Variants in SLC16A12 observed in about 807,000 individuals in gnomAD.
The protein encoded by SLC16A12 is solute carrier family 16 member 12, also known as monocarboxylate transporter 12.
Under a neutral mutation model 42.4 loss-of-function variants are expected in SLC16A12, and 17 were observed. That is an observed-to-expected ratio of 0.40 (90% confidence interval 0.27 to 0.60). SLC16A12 has a LOEUF of 0.60. Ranked by LOEUF, SLC16A12 falls within the 20% of genes least tolerant of loss-of-function variation. The pLI is 0.42. For missense variants in SLC16A12, 544 were observed against 623.0 expected (o/e 0.87, Z 1.35); for synonymous variants, 224 against 229.4 (o/e 0.98, Z 0.21).
At chr10:89,454,395 A>T (rs939163570) in intron 3 of SLC16A12, among the ~76,000 whole-genome samples, 3 of 152,092 alleles carry the variant, frequency 2.0e-5, no homozygotes, top group Admixed American at 6.6e-5. Flanking sequence ...TACTGCAGCC[A>T]AAACCCTCCT....
At position 89,534,673 on chromosome 10, in the gene SLC16A12, C is replaced by CAAAAAAAAAAAAAAA. The variant is rs1196402951; in HGVS notation, c.-186-34_-186-33insTTTTTTTTTTTTTTT. The CAAAAAAAAAAAAAAA allele has an allele frequency of 1.6e-5, 2 of 122,722 alleles. 1 individual carries two copies. Among genetic ancestry groups the CAAAAAAAAAAAAAAA allele is most frequent in the African/African-American group, 6.4e-5 (2 of 31,294 alleles). 7.6% of individuals were successfully genotyped at this position (122,722 alleles called of 1,614,324 possible). On this transcript the variant is annotated intron_variant, in intron 1 of 7. Coordinates refer to ENST00000371790, the MANE Select transcript of SLC16A12 (RefSeq NM_213606.4). ...AAAAAAAAAAAAAAAAAAAAAAAAT[C>CAAAAAAAAAAAAAAA]CAAAAATTAGCCGGGCGTGGTGGCG...
At chr10:89,541,613 G>A (rs760977102) in intron 2 of SLC16A12, among the ~76,000 whole-genome samples, 3 of 152,098 alleles carry the variant, frequency 2.0e-5, no homozygotes, top group Non-Finnish European at 4.4e-5. Flanking sequence ...CAAATAAAGG[G>A]TTGAGCAGCT....
intron 4 of SLC16A12, among the ~76,000 whole-genome samples, chr10:89,443,509 G>A (rs960178654): frequency 2.0e-5 from 3 of 152,192 alleles, no homozygotes; most frequent in Non-Finnish European, 2.9e-5. Flanking sequence ...CAAATCTTAC[G>A]TGTTCTTTTG....
upstream of SLC16A12, among the ~76,000 whole-genome samples, chr10:89,536,581 C>T (rs1843666244): frequency 1.3e-5 from 2 of 151,948 alleles, no homozygotes; most frequent in African/African-American, 4.8e-5. Context: ...AGGTTCCAGG[C>T]GAACTTTCTG....
chr10:89,537,711 T>A (rs1843689189), upstream of SLC16A12, among the ~76,000 whole-genome samples: 1 of 152,014 alleles, frequency 6.6e-6, no homozygotes, highest in East Asian at 1.9e-4. Flanking sequence ...GGGTGGCAAA[T>A]AAGTCTCACT....
rs397846442 is a variant in SLC16A12, at chr10:89,482,782, T to TAA, written c.-46-20160_-46-20159dup. Among the ~76,000 whole-genome samples, 156 of 126,080 alleles carry TAA rather than the reference T, an allele frequency of 1.2e-3. 2 individuals are homozygous for TAA. Among genetic ancestry groups the TAA allele is most frequent in the Non-Finnish European group, 1.9e-3 (112 of 59,698 alleles). The allele number at this position is 126,080 out of a possible 152,430, so 82.7% of individuals were successfully genotyped here. On this transcript the variant is annotated intron_variant, in intron 2 of 7. Coordinates refer to ENST00000371790, the MANE Select transcript of SLC16A12 (RefSeq NM_213606.4). ...TGGGTGACAAGAGTGAGACCCTGTC[T>TAA]AAAAAAAAAAAAAAATGTCTAATAG...
chr10:89,436,914 A>AAGAAAGAAAGAAAGAAAGAAAGAAAG (rs796398100), intron 6 of SLC16A12, among the ~76,000 whole-genome samples: 1 of 136,462 alleles, frequency 7.3e-6, no homozygotes, highest in African/African-American at 2.8e-5. Context: ...GAAAGAAAGA[A>AAGAAAGAAAGAAAGAAAGAAAGAAAG]AAAGAAAGAG....
chr10:89,476,351 T>A (rs1056885639), intron 2 of SLC16A12, among the ~76,000 whole-genome samples: 1 of 152,154 alleles, frequency 6.6e-6, no homozygotes, highest in Non-Finnish European at 1.5e-5. Flanking sequence ...GCTGTTGAAA[T>A]GGGAGGGGCA....
In SLC16A12 at chr10:89,435,932, T is replaced by A. The variant is rs1186578760; in HGVS notation, c.1288+128A>T. The A allele has an allele frequency of 2.2e-6, 3 of 1,354,112 alleles. No individual in the cohort carries two copies. The Admixed American group carries it at 6.0e-5, about 27-fold the overall frequency. The allele number at this position is 1,354,112 out of a possible 1,614,324, so 83.9% of individuals were successfully genotyped here. ...CATGATGGTTTTGGGGGCTCTTATA[T>A]CCCTTTTCTCTTTCACTCTTCCCCA... On this transcript the variant is annotated intron_variant, in intron 7 of 7. Coordinates refer to ENST00000371790, the MANE Select transcript of SLC16A12 (RefSeq NM_213606.4).
Position 89,554,080 on chromosome 10 carries a change from GAAAGAAAGAAAGAAAGAAA to G in SLC16A12, c.-47+1783_-47+1801del, listed in dbSNP as rs1843789887. ...AGAAAGAAAGAAAGAAAGAAAGAAAGAAAGAAAGAAAGAAAGAAAGAAGGAAGGAAGGAAGGAAGGAAGG... is the reference window on the plus strand; with the variant it reads ...AGAAAGAAAGAAAGAAAGAAAGAAAGGAAGGAAGGAAGGAAGGAAGGAAGG... On this transcript the variant is annotated intron_variant, in intron 2 of 2. Coordinates refer to the SLC16A12 transcript ENST00000475682. Among the ~76,000 whole-genome samples the G allele has an allele frequency of 2.8e-3, 300 of 109,086 alleles. 4 individuals are homozygous for G. The highest frequency in any genetic ancestry group is 0.013 in the Middle Eastern group (3 of 236). The allele number at this position is 109,086 out of a possible 152,430, so 71.6% of individuals were successfully genotyped here.
At position 89,442,822 on chromosome 10, in the gene SLC16A12, T is replaced by C. The variant is rs144363968; in HGVS notation, c.304+934A>G. The stretch of plus-strand genomic sequence containing the variant: ...TTTTCCAAAAAGAAATATGAGTCAG[T>C]GCCTAGAATGGAATAAAATGGTTAT... On this transcript the variant is annotated intron_variant, in intron 4 of 7. Coordinates refer to ENST00000371790, the MANE Select transcript of SLC16A12 (RefSeq NM_213606.4). Among the ~76,000 whole-genome samples, 654 of 152,252 alleles carry C rather than the reference T, an allele frequency of 4.3e-3. 8 individuals are homozygous for C. The highest frequency in any genetic ancestry group is 0.038 in the East Asian group (198 of 5,180).
intron 3 of SLC16A12, among the ~76,000 whole-genome samples, chr10:89,454,470 A>G (rs767253547): frequency 8.6e-5 from 13 of 151,994 alleles, no homozygotes; most frequent in East Asian, 1.9e-4. Flanking sequence ...TAGAACACCA[A>G]TCAGATCCTA....
At chr10:89,436,903 A>AGAAG (rs1564567572) in intron 6 of SLC16A12, among the ~76,000 whole-genome samples, 140 of 149,370 alleles carry the variant, frequency 9.4e-4, no homozygotes, top group African/African-American at 3.4e-3. Flanking sequence ...AAAGAAAGAA[A>AGAAG]GAAAGAAAGA....
intron 2 of SLC16A12, among the ~76,000 whole-genome samples, chr10:89,470,016 T>C (rs1589686279): frequency 1.3e-5 from 2 of 152,338 alleles, no homozygotes; most frequent in African/African-American, 4.8e-5. Flanking sequence ...ATAGGTAATA[T>C]TTTTTAAGAA....
At position 89,438,883 on chromosome 10, in the gene SLC16A12, T is replaced by A. The variant is rs752782900; in HGVS notation, c.749A>T (p.Lys250Met). ...HVCRTQKEDI[K>M]RVSPYSSLTK... Reference sequence around the variant, plus strand: ...CAAAGATGAATAGGGAGACACCCGCTTAATGTCTTCTTTCTGAGTTCTACA... The same window carrying A: ...CAAAGATGAATAGGGAGACACCCGCATAATGTCTTCTTTCTGAGTTCTACA... Residue 250 changes from lysine to methionine, a missense_variant, in exon 6 of 8, where the codon AAG (lysine) becomes ATG (methionine). Transcript: ENST00000371790. 1.2e-6 allele frequency: 2 copies of A among 1,614,106 alleles called. No homozygotes were observed. Among genetic ancestry groups the A allele is most frequent in the Non-Finnish European group, 1.7e-6 (2 of 1,180,002 alleles).
chr10:89,510,568 T>C (rs923421608), intron 2 of SLC16A12, among the ~76,000 whole-genome samples: 1 of 152,176 alleles, frequency 6.6e-6, no homozygotes, highest in African/African-American at 2.4e-5. Flanking sequence ...TTACACCTTA[T>C]ACAAAAATTA....
rs556564283 is a variant in SLC16A12, at chr10:89,450,311, G to A, written c.201-6452C>T. On this transcript the variant is annotated intron_variant, in intron 3 of 7. Coordinates refer to ENST00000371790, the MANE Select transcript of SLC16A12 (RefSeq NM_213606.4). ...TGCTACTATAAAGACACATGTGCAC[G>A]TATGTTTAATGTGGCACTATTCACA... is the stretch of plus-strand genomic sequence containing the variant. Among the ~76,000 whole-genome samples, 78 of 152,290 alleles carry A rather than the reference G, an allele frequency of 5.1e-4. 1 individual carries two copies. In the Middle Eastern group the frequency reaches 0.034, roughly 66 times the overall value.
At chr10:89,510,579 A>G (rs1473772382) in intron 2 of SLC16A12, among the ~76,000 whole-genome samples, 2 of 152,162 alleles carry the variant, frequency 1.3e-5, no homozygotes, top group Non-Finnish European at 2.9e-5. Flanking sequence ...ACAAAAATTA[A>G]CTCAAGATGG....
In SLC16A12 at chr10:89,516,182, G is replaced by T. The variant is rs183560469; in HGVS notation, c.-47+18319C>A. Among the ~76,000 whole-genome samples the T allele has an allele frequency of 2.6e-5, 4 of 152,260 alleles. No individual in the cohort carries two copies. The East Asian group carries it at 7.7e-4, about 29-fold the overall frequency. On this transcript the variant is annotated intron_variant, in intron 2 of 7. Transcript: ENST00000371790. Reference sequence around the variant, plus strand: ...CAGATTAGAATGTAAACTCCGAGAGGCAGGAATTTTTTGTTGAATTTGTTC... The same window carrying T: ...CAGATTAGAATGTAAACTCCGAGAGTCAGGAATTTTTTGTTGAATTTGTTC...
Sources: allele counts gnomAD v4.1 joint callset (sites outside exome capture counted in the v4.1 genomes callset), GRCh38; gene constraint gnomAD v4.1.1; transcripts MANE v1.5; gene names NCBI Gene and HGNC (gene_info 2026-07-23, HGNC 2026-07-21).